Variants in PCDHA7 observed in about 807,000 individuals in gnomAD.
PCDHA7 encodes the protein protocadherin alpha-7.
A neutral mutation model predicts 57.2 loss-of-function variants in PCDHA7; 37 were observed. The ratio of observed to expected loss-of-function variants is 0.65; its 90% confidence interval spans 0.50 to 0.85. The LOEUF is 0.85. Ranked by LOEUF, PCDHA7 falls within the 40% of genes least tolerant of loss-of-function variation. The pLI is 0.00. For missense variants in PCDHA7, 1,188 were observed against 1,241.8 expected, an observed-to-expected ratio of 0.96 and a Z score of 0.65; for synonymous variants, 553 against 558.8, an observed-to-expected ratio of 0.99 and a Z score of 0.15.
At chr5:140,996,094 T>C (rs1428375932) in intron 3 of PCDHA7, among the ~76,000 whole-genome samples, 1 of 152,192 alleles carries the variant, frequency 6.6e-6, no homozygotes, top group Non-Finnish European at 1.5e-5. Flanking sequence ...CTAGATTACA[T>C]GGAATGGTAT....
chr5:140,871,344 G>A (rs533115257), intron 1 of PCDHA7: 1 of 1,614,200 alleles, frequency 6.2e-7, no homozygotes, highest in African/African-American at 1.3e-5. Flanking sequence ...TGGGGAGCTG[G>A]TCATACTCGC....
chr5:140,897,781 T>G (rs1437567567), intron 1 of PCDHA7, among the ~76,000 whole-genome samples: 1 of 152,172 alleles, frequency 6.6e-6, no homozygotes, highest in East Asian at 1.9e-4. Flanking sequence ...TCCACAATGG[T>G]TGAACTAGTT....
Position 140,853,516 on chromosome 5 carries a change from C to T in PCDHA7, c.2355+16778C>T, listed in dbSNP as rs546400632. On this transcript the variant is annotated intron_variant, in intron 1 of 3. Coordinates refer to ENST00000525929, the MANE Select transcript of PCDHA7 (RefSeq NM_018910.3). The stretch of plus-strand genomic sequence containing the variant: ...TTAGAATCATGAAACAATAATGAAG[C>T]TCCTCCTATGTCTCTTTTCAAGTTG... 3.7e-4 allele frequency: 362 copies of T among 976,264 alleles called. 18 individuals are homozygous for T. In the South Asian group the frequency reaches 0.015, roughly 41 times the overall value. The allele number at this position is 976,264 out of a possible 1,614,324, so 60.5% of individuals were successfully genotyped here.
intron 3 of PCDHA7, among the ~76,000 whole-genome samples, chr5:141,000,533 T>G (rs1554257655): frequency 3.4e-5 from 5 of 147,384 alleles, no homozygotes; most frequent in Admixed American, 1.4e-4. Context: ...GTTCAAGTGA[T>G]TCTCATGCCT....
chr5:140,967,090 G>A (rs1320117719), intron 1 of PCDHA7: 2 of 1,613,240 alleles, frequency 1.2e-6, no homozygotes, highest in African/African-American at 2.7e-5. Context: ...TTGATCGGGA[G>A]GCGCTGTGTG....
intron 1 of PCDHA7, among the ~76,000 whole-genome samples, chr5:140,936,532 A>G (rs1431070462): frequency 6.6e-6 from 1 of 152,222 alleles, no homozygotes; most frequent in East Asian, 1.9e-4. Context: ...ATTGCTTTTG[A>G]ATATAGTGCA....
chr5:141,010,802 G>A lies in PCDHA7; in HGVS notation c.*865G>A, dbSNP rs1323558356. On this transcript the variant is annotated 3_prime_UTR_variant, in exon 4 of 4. Coordinates refer to ENST00000525929, the MANE Select transcript of PCDHA7 (RefSeq NM_018910.3). ...TTATGCAAAAGCAAAAGAAAACCCC[G>A]ACACCTCACCTTTCGCTGTTTGTTG... 6.5e-6 allele frequency: 1 copy of A among 153,554 alleles called. No homozygotes were observed. The highest frequency in any genetic ancestry group is 1.5e-5 in the Non-Finnish European group (1 of 68,024). The allele number at this position is 153,554 out of a possible 1,614,324, so 9.5% of individuals were successfully genotyped here. A position where few individuals can be genotyped will look rare whatever the true frequency, so the allele number is the denominator to read the frequency against.
rs1203887296 is a variant in PCDHA7, at chr5:140,835,790, G to T, written c.1407G>T (p.Pro469=). ...EYTVFVKENN[P]PGCHIFTVSA... Reference sequence around the variant, plus strand: ...CGGTGTTCGTGAAGGAGAACAACCCGCCGGGCTGCCACATCTTCACTGTGT... The same window carrying T: ...CGGTGTTCGTGAAGGAGAACAACCCTCCGGGCTGCCACATCTTCACTGTGT... The change falls in exon 1 of 4, where the codon CCG becomes CCT. Residue 469 remains proline, a synonymous_variant. Transcript: ENST00000525929. 1 of 1,613,158 alleles carries T rather than the reference G, an allele frequency of 6.2e-7. No homozygotes were observed. Among genetic ancestry groups the T allele is most frequent in the South Asian group, 1.1e-5 (1 of 91,046 alleles).
chr5:140,868,134 T>C (rs1562613374), intron 1 of PCDHA7: 1 of 152,142 alleles, frequency 6.6e-6, no homozygotes, highest in Admixed American at 6.5e-5. Context: ...ATTTCTGTCA[T>C]ATCATTGATT....
chr5:140,851,967 A>G, intron 1 of PCDHA7: 1 of 977,046 alleles, frequency 1.0e-6, no homozygotes, highest in Non-Finnish European at 1.2e-6. Flanking sequence ...GGTTTTCCAC[A>G]CTCTACCTTT....
At chr5:140,944,655 C>A (rs1045047658) in intron 1 of PCDHA7, among the ~76,000 whole-genome samples, 3 of 152,128 alleles carry the variant, frequency 2.0e-5, no homozygotes, top group Admixed American at 2.0e-4. Flanking sequence ...GGAGTCCATA[C>A]CCCTTATTTA....
At chr5:140,898,497 T>G (rs1473036595) in intron 1 of PCDHA7, among the ~76,000 whole-genome samples, 2 of 152,216 alleles carry the variant, frequency 1.3e-5, no homozygotes, top group African/African-American at 4.8e-5. Flanking sequence ...ATCAGATAGT[T>G]GTAGATATGC....
At chr5:140,968,473 G>A in intron 1 of PCDHA7, 1 of 1,614,098 alleles carries the variant, frequency 6.2e-7, no homozygotes. Flanking sequence ...ACGTATATGT[G>A]GTGGACATGA....
chr5:140,982,582 T>C lies in PCDHA7; in HGVS notation c.2503+19T>C. On this transcript the variant is annotated intron_variant, in intron 3 of 3. Transcript: ENST00000525929. ...ACACCAGGTAAAGAGCTGGGGTCTC[T>C]CCATTCTTTCTTGGTTTCTGGAAAG... 6.2e-7 allele frequency: 1 copy of C among 1,612,148 alleles called. No homozygotes were observed. Among genetic ancestry groups the C allele is most frequent in the Non-Finnish European group, 8.5e-7 (1 of 1,178,720 alleles).
At chr5:140,884,446 G>C in intron 1 of PCDHA7, 1 of 1,613,770 alleles carries the variant, frequency 6.2e-7, no homozygotes, top group Non-Finnish European at 8.5e-7. Context: ...GCTCGGCACC[G>C]CCCACCGAGG....
At chr5:140,917,137 C>A (rs868951388) in intron 1 of PCDHA7, among the ~76,000 whole-genome samples, 4 of 152,208 alleles carry the variant, frequency 2.6e-5, no homozygotes, top group African/African-American at 4.8e-5. Context: ...CCACGTTGCT[C>A]AGCTGCTGCT....
In PCDHA7 at chr5:140,873,562, T is replaced by C. The variant is rs2054348263; in HGVS notation, c.2355+36824T>C. On this transcript the variant is annotated intron_variant, in intron 1 of 3. Coordinates refer to ENST00000525929, the MANE Select transcript of PCDHA7 (RefSeq NM_018910.3). ...AAAATTATAATTTCAATTTATTTTCTAGTTTGGTTGTTTAAGTATTAAGCT... is the reference window on the plus strand; with the variant it reads ...AAAATTATAATTTCAATTTATTTTCCAGTTTGGTTGTTTAAGTATTAAGCT... Among the ~76,000 whole-genome samples, 7 of 149,812 alleles carry C rather than the reference T, an allele frequency of 4.7e-5. No individual in the cohort carries two copies. In the South Asian group the frequency reaches 1.5e-3, roughly 31 times the overall value.
intron 1 of PCDHA7, among the ~76,000 whole-genome samples, chr5:140,939,305 C>A (rs1251046319): frequency 6.6e-6 from 1 of 152,114 alleles, no homozygotes; most frequent in Non-Finnish European, 1.5e-5. Context: ...TCTACAAAAG[C>A]CCTACCTCCT....
In PCDHA7 at chr5:140,869,909, G is replaced by A. The variant is rs781996593; in HGVS notation, c.2355+33171G>A. ...GTGCTCAAACTAAACGCCACAGACCGAGACGAAGGAGTCAATGGAGAGGTA... is the reference window on the plus strand; with the variant it reads ...GTGCTCAAACTAAACGCCACAGACCAAGACGAAGGAGTCAATGGAGAGGTA... On this transcript the variant is annotated intron_variant, in intron 1 of 3. Transcript: ENST00000525929. 2.6e-5 allele frequency: 42 copies of A among 1,610,632 alleles called. No individual in the cohort carries two copies. Among genetic ancestry groups the A allele is most frequent in the Non-Finnish European group, 3.1e-5 (36 of 1,178,298 alleles).
Sources: gnomAD v4.1 joint callset for allele counts (sites outside exome capture counted in the v4.1 genomes callset) on GRCh38, gnomAD v4.1.1 for gene constraint, MANE v1.5 for transcripts, NCBI Gene and HGNC (gene_info 2026-07-23, HGNC 2026-07-21) for gene names.